RGPD8: variants seen among roughly 807,000 people sequenced by gnomAD.
RGPD8 encodes RANBP2-like and GRIP domain-containing protein 8.
A neutral mutation model predicts 89.1 loss-of-function variants in RGPD8; 15 were observed. That is an observed-to-expected ratio of 0.17 (90% confidence interval 0.11 to 0.26). The LOEUF (loss-of-function observed/expected upper bound fraction) is 0.26. Ranked by LOEUF, RGPD8 falls within the 10% of genes least tolerant of loss-of-function variation. The pLI, the probability that RGPD8 is intolerant of heterozygous loss-of-function variation, is 1.00. For missense variants in RGPD8, 178 were observed against 1,179.6 expected, an observed-to-expected ratio of 0.15 and a Z score of 12.44; for synonymous variants, 62 against 420.9, an observed-to-expected ratio of 0.15 and a Z score of 10.44.
chr2:112,417,062 C>A, intron 6 of RGPD8, 131 bp downstream of exon 6: 2 of 1,581,404 alleles, frequency 1.3e-6, no homozygotes, highest in South Asian at 2.3e-5. Context: ...CCTAGCGGTT[C>A]ACTGTATTAA....
At chr2:112,430,407 C>T (rs376123930) in intron 1 of RGPD8, among the ~76,000 whole-genome samples, 20 of 152,092 alleles carry the variant, frequency 1.3e-4, no homozygotes, top group South Asian at 1.2e-3. Context: ...ATCCATATTC[C>T]GCTGAAATCC....
intron 7 of RGPD8, among the ~76,000 whole-genome samples, chr2:112,408,918 C>T (rs1369319918): frequency 2.0e-5 from 3 of 151,596 alleles, no homozygotes; most frequent in African/African-American, 7.3e-5. Flanking sequence ...GCGATCCGCC[C>T]GCCTCAGCCT....
At chr2:112,387,331 C>A (rs1678493751) in intron 20 of RGPD8, among the ~76,000 whole-genome samples, 1 of 107,466 alleles carries the variant, frequency 9.3e-6, no homozygotes, top group Admixed American at 9.5e-5. Context: ...ATGAGAACAT[C>A]TCAATATCAT....
chr2:112,429,072 G>T (rs1679901260), intron 1 of RGPD8, among the ~76,000 whole-genome samples: 1 of 148,988 alleles, frequency 6.7e-6, no homozygotes, highest in East Asian at 2.0e-4. Flanking sequence ...AAGAATGAGG[G>T]GCAAACCAAA....
At position 112,433,630 on chromosome 2, in the gene RGPD8, T is replaced by C; in HGVS notation, c.-177A>G. Reference sequence around the variant, plus strand: ...GGCCCACTGTGACGAACCTGCGTTCTGCCTCAGCACTGTGTATCCTCGGGG... The same window carrying C: ...GGCCCACTGTGACGAACCTGCGTTCCGCCTCAGCACTGTGTATCCTCGGGG... On this transcript the variant is annotated 5_prime_UTR_variant, in exon 1 of 23. Coordinates refer to ENST00000302558, the MANE Select transcript of RGPD8 (RefSeq NM_001164463.1). The C allele has an allele frequency of 1.3e-6, 1 of 757,678 alleles. No individual in the cohort carries two copies. Among genetic ancestry groups the C allele is most frequent in the South Asian group, 1.8e-5 (1 of 54,318 alleles). The allele number at this position is 757,678 out of a possible 1,614,324, so 46.9% of individuals were successfully genotyped here. A position where few individuals can be genotyped will look rare whatever the true frequency, so the allele number is the denominator to read the frequency against.
intron 22 of RGPD8, among the ~76,000 whole-genome samples, chr2:112,373,084 C>T (rs997814224): frequency 2.0e-5 from 3 of 149,102 alleles, no homozygotes; most frequent in Non-Finnish European, 4.4e-5. Flanking sequence ...TCAAATTTTG[C>T]ATATAGAAGT....
intron 1 of RGPD8, 75 bp downstream of exon 1, chr2:112,433,307 G>T: frequency 6.7e-7 from 1 of 1,485,058 alleles, no homozygotes; most frequent in Non-Finnish European, 9.0e-7. Flanking sequence ...ACCCATCGAG[G>T]CCGCCGCCGG....
chr2:112,428,758 G>A (rs1388328904), intron 1 of RGPD8, among the ~76,000 whole-genome samples: 2 of 152,212 alleles, frequency 1.3e-5, no homozygotes, highest in Non-Finnish European at 2.9e-5. Flanking sequence ...TGACCAGTTT[G>A]ACCACATTTG....
chr2:112,417,210 A>G lies in RGPD8; in HGVS notation c.765T>C (p.Asn255=), dbSNP rs1679451228. 4 of 1,609,804 alleles carry G rather than the reference A, an allele frequency of 2.5e-6. 1 individual carries two copies. The highest frequency in any genetic ancestry group is 2.7e-5 in the African/African-American group (2 of 72,924). ...LTLSTRDVQE[N]RELLESFDSA... ...CTACGCACCTTTCCAGTAATTCTCT[A>G]TTTTCCTGCACATCTCTAGTGGAAA... The change falls in exon 6 of 23, where the codon AAT becomes AAC. Residue 255 remains asparagine, a synonymous_variant. Coordinates refer to ENST00000302558, the MANE Select transcript of RGPD8 (RefSeq NM_001164463.1).
chr2:112,426,136 A>T (rs1312363637), intron 1 of RGPD8, among the ~76,000 whole-genome samples: 2 of 151,662 alleles, frequency 1.3e-5, no homozygotes, highest in African/African-American at 2.4e-5. Flanking sequence ...TAAGTCAAAA[A>T]CTCACCTCTT....
At chr2:112,408,622 A>G (rs1160821279) in intron 7 of RGPD8, among the ~76,000 whole-genome samples, 140 of 151,118 alleles carry the variant, frequency 9.3e-4, no homozygotes, top group African/African-American at 3.2e-3. Context: ...ATCTGTGACC[A>G]GTTAATTAGT....
intron 18 of RGPD8, among the ~76,000 whole-genome samples, chr2:112,391,480 G>T: frequency 8.0e-6 from 1 of 124,564 alleles, no homozygotes; most frequent in Non-Finnish European, 1.8e-5. Context: ...TCTGCAGAAA[G>T]ACTAGGTTGT....
intron 1 of RGPD8, among the ~76,000 whole-genome samples, chr2:112,429,068 GAGGGGCAAACCAA>G (rs1574027071): frequency 6.6e-6 from 1 of 151,576 alleles, no homozygotes; most frequent in Non-Finnish European, 1.5e-5. Flanking sequence ...CTGAAAGAAT[GAGGGGCAAACCAA>G]AGTGTCTGAG....
chr2:112,432,152 G>C (rs1458373559), intron 1 of RGPD8, among the ~76,000 whole-genome samples: 21 of 152,154 alleles, frequency 1.4e-4, no homozygotes, highest in Non-Finnish European at 2.9e-5. Context: ...ACTGACTCAA[G>C]ATTCTGCGCA....
chr2:112,432,673 C>A lies in RGPD8; in HGVS notation c.72+709G>T, dbSNP rs1291838206. ...GGGAAGAAACCCGCCGATACAGCAC[C>A]CGGGTGCCCAAGCCCCCGAGAACTA... is the stretch of plus-strand genomic sequence containing the variant. On this transcript the variant is annotated intron_variant, in intron 1 of 22. Coordinates refer to ENST00000302558, the MANE Select transcript of RGPD8 (RefSeq NM_001164463.1). 5.1e-6 allele frequency: 5 copies of A among 985,244 alleles called. No individual in the cohort carries two copies. The African/African-American group carries it at 8.7e-5, about 17-fold the overall frequency. The allele number at this position is 985,244 out of a possible 1,614,324, so 61.0% of individuals were successfully genotyped here.
chr2:112,420,165 G>A (rs1679525006), intron 4 of RGPD8, among the ~76,000 whole-genome samples: 3 of 89,074 alleles, frequency 3.4e-5, no homozygotes, highest in Non-Finnish European at 6.2e-5. Context: ...GCAAGACTCT[G>A]TCTCAAAAAA....
intron 22 of RGPD8, among the ~76,000 whole-genome samples, chr2:112,373,396 A>G (rs1184317830): frequency 2.0e-5 from 3 of 152,294 alleles, no homozygotes; most frequent in African/African-American, 7.2e-5. Context: ...GTTTATTATA[A>G]AGATTTTGAT....
At chr2:112,413,463 C>A (rs1679264914) in intron 6 of RGPD8, among the ~76,000 whole-genome samples, 1 of 105,318 alleles carries the variant, frequency 9.5e-6, no homozygotes, top group African/African-American at 4.5e-5. Context: ...TCTTCTAAAT[C>A]CTAATGTTTC....
At chr2:112,426,299 T>C (rs1679764516) in intron 1 of RGPD8, among the ~76,000 whole-genome samples, 1 of 152,164 alleles carries the variant, frequency 6.6e-6, no homozygotes, top group Non-Finnish European at 1.5e-5. Context: ...CTGAGGTGGC[T>C]AGTATGTAAC....
Sources: gnomAD v4.1 joint callset for allele counts (sites outside exome capture counted in the v4.1 genomes callset) on GRCh38, gnomAD v4.1.1 for gene constraint, MANE v1.5 for transcripts, NCBI Gene and HGNC (gene_info 2026-07-23, HGNC 2026-07-21) for gene names.